Variants in NTM observed in about 807,000 individuals in gnomAD.
NTM encodes the protein IgLON family member 2.
A neutral mutation model predicts 42.1 loss-of-function variants in NTM; 13 were observed. That is an observed-to-expected ratio of 0.31 (90% CI 0.20 to 0.49). The LOEUF (loss-of-function observed/expected upper bound fraction) is 0.49, where lower values mean the gene tolerates loss of function less well. Ranked by LOEUF, NTM falls within the 20% of genes least tolerant of loss-of-function variation. The pLI, the probability that NTM is intolerant of heterozygous loss-of-function variation, is 0.99. For synonymous variants in NTM, 187 were observed against 179.2 expected, an observed-to-expected ratio of 1.04 and a Z score of -0.35; for missense variants, 373 against 452.8, an observed-to-expected ratio of 0.82 and a Z score of 1.60.
intron 1 of NTM, among the ~76,000 whole-genome samples, chr11:131,828,139 A>C (rs1306394601): frequency 6.6e-6 from 1 of 151,926 alleles, no homozygotes; most frequent in East Asian, 1.9e-4. Context: ...AAAAAAAAAA[A>C]CAACTACCTC....
At chr11:132,059,150 C>G (rs1156828132) in intron 2 of NTM, among the ~76,000 whole-genome samples, 1 of 152,206 alleles carries the variant, frequency 6.6e-6, no homozygotes, top group African/African-American at 2.4e-5. Flanking sequence ...CTAGAAGCAG[C>G]CTCTGGGCCT....
intron 3 of NTM, among the ~76,000 whole-genome samples, chr11:132,177,179 G>A (rs956556569): frequency 2.0e-5 from 3 of 152,280 alleles, no homozygotes; most frequent in Admixed American, 6.5e-5. Flanking sequence ...GTGACATTTT[G>A]CTGCCAAAAA....
chr11:131,922,048 C>T (rs2057301357), intron 2 of NTM: 1 of 152,460 alleles, frequency 6.6e-6, no homozygotes, highest in East Asian at 1.9e-4. Context: ...TTGAATGTTC[C>T]CCCCTTATTA....
At chr11:131,575,695 G>T (rs1291941506) in intron 1 of NTM, among the ~76,000 whole-genome samples, 1 of 152,084 alleles carries the variant, frequency 6.6e-6, no homozygotes, top group Non-Finnish European at 1.5e-5. Context: ...TAGTTTAATG[G>T]TAGGGAAGGG....
intron 2 of NTM, among the ~76,000 whole-genome samples, chr11:131,987,194 A>G (rs1335226734): frequency 2.6e-5 from 4 of 152,216 alleles, no homozygotes; most frequent in Non-Finnish European, 5.9e-5. Flanking sequence ...AACAGTATTC[A>G]TCAGGTCTGT....
At chr11:131,878,591 AAAAATATATATATATATATAT>A (rs2048910254) in intron 1 of NTM, among the ~76,000 whole-genome samples, 1 of 29,700 alleles carries the variant, frequency 3.4e-5, no homozygotes, top group African/African-American at 1.1e-4. Context: ...AAAAAAAAAA[AAAAATATATATATATATATAT>A]ATATATATAT....
intron 2 of NTM, among the ~76,000 whole-genome samples, chr11:132,134,755 ATATATC>A (rs1555277645): frequency 6.2e-5 from 5 of 80,218 alleles, no homozygotes; most frequent in Non-Finnish European, 4.9e-5. Flanking sequence ...ATATATATAT[ATATATC>A]TCACATTTTC....
intron 1 of NTM, among the ~76,000 whole-genome samples, chr11:131,898,014 C>G (rs1444978902): frequency 6.6e-6 from 1 of 152,078 alleles, no homozygotes; most frequent in South Asian, 2.1e-4. Context: ...AACCAAGCAC[C>G]CTGGCTAATA....
chr11:131,477,818 A>G (rs1953112750), intron 1 of NTM, among the ~76,000 whole-genome samples: 1 of 151,504 alleles, frequency 6.6e-6, no homozygotes, highest in Non-Finnish European at 1.5e-5. Context: ...CTTGTCCATC[A>G]GAAGTCCAAC....
At chr11:131,667,237 G>C (rs1447186533) in intron 1 of NTM, among the ~76,000 whole-genome samples, 1 of 152,124 alleles carries the variant, frequency 6.6e-6, no homozygotes, top group Non-Finnish European at 1.5e-5. Context: ...GCCTCTGCTT[G>C]CTCTCCAACT....
intron 2 of NTM, among the ~76,000 whole-genome samples, chr11:132,038,870 A>G (rs1195712783): frequency 6.6e-6 from 1 of 152,170 alleles, no homozygotes; most frequent in African/African-American, 2.4e-5. Context: ...CCTCTCCTTC[A>G]GCGTGGAGCC....
intron 1 of NTM, among the ~76,000 whole-genome samples, chr11:131,506,046 G>A (rs2047449345): frequency 6.6e-6 from 1 of 152,048 alleles, no homozygotes; most frequent in Non-Finnish European, 1.5e-5. Flanking sequence ...TATCACTCCG[G>A]GAATGGAGTT....
At chr11:131,821,602 C>A (rs1249422347) in intron 1 of NTM, among the ~76,000 whole-genome samples, 2 of 152,228 alleles carry the variant, frequency 1.3e-5, no homozygotes, top group East Asian at 1.9e-4. Context: ...GTGAGAATCA[C>A]GTAAACAAAG....
At chr11:132,149,409 TA>T (rs11309231) in intron 3 of NTM, among the ~76,000 whole-genome samples, 9,773 of 152,084 alleles carry the variant, frequency 0.064, 494 homozygotes, top group African/African-American at 0.14. Flanking sequence ...TATGATCCTT[TA>T]AAAAAAGAAA....
chr11:132,120,700 T>C (rs1421819328), intron 2 of NTM, among the ~76,000 whole-genome samples: 1 of 152,196 alleles, frequency 6.6e-6, no homozygotes, highest in Non-Finnish European at 1.5e-5. Flanking sequence ...CAAGGATTAG[T>C]AGGCGTTAAT....
chr11:131,972,644 G>C (rs945207683), intron 2 of NTM, among the ~76,000 whole-genome samples: 29 of 152,116 alleles, frequency 1.9e-4, no homozygotes, highest in African/African-American at 7.0e-4. Context: ...TTTCTGCTTT[G>C]GCCTCCACAT....
chr11:131,417,454 G>A (rs1014037207), intron 1 of NTM, among the ~76,000 whole-genome samples: 4 of 152,136 alleles, frequency 2.6e-5, no homozygotes, highest in Non-Finnish European at 5.9e-5. Context: ...AAGTTAATTG[G>A]TCTAGAGCAA....
At chr11:131,859,392 T>A in intron 1 of NTM, among the ~76,000 whole-genome samples, 1 of 152,216 alleles carries the variant, frequency 6.6e-6, no homozygotes, top group Non-Finnish European at 1.5e-5. Context: ...CTTTCCCGTA[T>A]GTGCTACTGG....
chr11:131,539,891 G>GA (rs1316718302), intron 1 of NTM, among the ~76,000 whole-genome samples: 2 of 152,132 alleles, frequency 1.3e-5, no homozygotes, highest in Admixed American at 6.5e-5. Context: ...ATCTCCATGG[G>GA]AAAAACTCAT....
Sources: gnomAD v4.1 joint callset for allele counts (sites outside exome capture counted in the v4.1 genomes callset) on GRCh38, gnomAD v4.1.1 for gene constraint, MANE v1.5 for transcripts, NCBI Gene and HGNC (gene_info 2026-07-23, HGNC 2026-07-21) for gene names.